Variants in WTAP observed in about 807,000 individuals in gnomAD.
WTAP encodes WT1 associated protein.
Under a neutral mutation model 50.0 loss-of-function variants are expected in WTAP, and 8 were observed. The observed-to-expected ratio is 0.16, with a 90% confidence interval of 0.09 to 0.29. The LOEUF (loss-of-function observed/expected upper bound fraction) is 0.29, where lower values mean the gene tolerates loss of function less well. Ranked by LOEUF, WTAP falls within the 10% of genes least tolerant of loss-of-function variation. The pLI, the probability that WTAP is intolerant of heterozygous loss-of-function variation, is 1.00. For synonymous variants in WTAP, 194 were observed against 169.0 expected (o/e 1.15, Z -1.15); for missense variants, 295 against 470.7 (o/e 0.63, Z 3.45).
chr6:159,751,172 A>AT (rs1779806368), intron 6 of WTAP, among the ~76,000 whole-genome samples: 2 of 152,308 alleles, frequency 1.3e-5, no homozygotes, highest in East Asian at 1.9e-4. Flanking sequence ...CAAAACTGTG[A>AT]TTTTGTTAAA....
chr6:159,755,118 G>T lies in WTAP; in HGVS notation c.698G>T (p.Arg233Leu). ...LVLQQQLKET[R>L]QQLAQYQQQQ... ...CTGCAGCAGCAGCTGAAGGAGACAC[G>T]CCAGCAGTTGGCTCAGTACCAGCAG... The change falls in exon 8 of 8, where the codon CGC becomes CTC. Residue 233 changes from arginine to leucine, a missense_variant. Around this residue, in one of 2 missense-constraint regions of WTAP, gnomAD observed 120 missense variants for 287.6 expected, o/e 0.42. Coordinates refer to ENST00000621533, the MANE Select transcript of WTAP (RefSeq NM_001270531.2). 6.2e-7 allele frequency: 1 copy of T among 1,614,168 alleles called. No homozygotes were observed. Among genetic ancestry groups the T allele is most frequent in the Non-Finnish European group, 8.5e-7 (1 of 1,180,036 alleles).
Position 159,736,291 on chromosome 6 carries a change from A to G in WTAP, c.26A>G (p.Lys9Arg). Residue 9 changes from lysine (K) to arginine (R), a missense_variant, in exon 2 of 8, where the codon AAG becomes AGG. Transcript: ENST00000621533. MTNEEPLPKKVRLSETDFK... is the reference protein window; with the variant it reads MTNEEPLPRKVRLSETDFK... ...ATGACCAACGAAGAACCTCTTCCCA[A>G]GAAGGTATGGGTTTTGGTTTTGGGT... 1 of 1,605,410 alleles carries G rather than the reference A, an allele frequency of 6.2e-7. No individual in the cohort carries two copies. Among genetic ancestry groups the G allele is most frequent in the Non-Finnish European group, 8.5e-7 (1 of 1,175,590 alleles).
chr6:159,729,690 G>A (rs2114864560), intron 1 of WTAP, among the ~76,000 whole-genome samples: 1 of 152,292 alleles, frequency 6.6e-6, no homozygotes, highest in Middle Eastern at 3.4e-3. Flanking sequence ...GACTTGCTTG[G>A]AATCACACAT....
chr6:159,734,686 C>T (rs1329619573), intron 1 of WTAP, among the ~76,000 whole-genome samples: 1 of 152,114 alleles, frequency 6.6e-6, no homozygotes, highest in Non-Finnish European at 1.5e-5. Flanking sequence ...AGTATAAGAA[C>T]TAATTACTTA....
At chr6:159,727,147 G>T, upstream of WTAP, 7 of 1,195,456 alleles carry the variant, frequency 5.9e-6, no homozygotes, top group Middle Eastern at 4.9e-4. Flanking sequence ...CTGAGCTCCG[G>T]GGCCCGCGGA....
At chr6:159,728,481 C>A (rs1020377942) in intron 1 of WTAP, among the ~76,000 whole-genome samples, 3 of 152,130 alleles carry the variant, frequency 2.0e-5, no homozygotes, top group African/African-American at 7.2e-5. Flanking sequence ...GAGTATGTTA[C>A]AATTGGAAGT....
chr6:159,738,891 C>G (rs1470761722), intron 2 of WTAP, 99 bp from the exon 3 acceptor site: 1 of 852,318 alleles, frequency 1.2e-6, no homozygotes, highest in Non-Finnish European at 1.8e-6. Context: ...TGTACTGAGC[C>G]GTTTAAATCT....
chr6:159,743,613 A>G, intron 4 of WTAP, 52 bp from the exon 5 acceptor site: 2 of 1,523,620 alleles, frequency 1.3e-6, no homozygotes, highest in Non-Finnish European at 8.9e-7. Flanking sequence ...TGACAGAGGT[A>G]TTTAGAACTT....
At position 159,748,925 on chromosome 6, in the gene WTAP, C is replaced by G. The variant is rs1779718339; in HGVS notation, c.452+556C>G. 4 of 1,149,628 alleles carry G rather than the reference C, an allele frequency of 3.5e-6. No homozygotes were observed. Among genetic ancestry groups the G allele is most frequent in the African/African-American group, 3.2e-5 (2 of 62,452 alleles). 71.2% of individuals were successfully genotyped at this position (1,149,628 alleles called of 1,614,324 possible). On this transcript the variant is annotated intron_variant, in intron 6 of 7. Coordinates refer to ENST00000621533, the MANE Select transcript of WTAP (RefSeq NM_001270531.2). The surrounding 1 kb of genome is among the most constrained non-coding windows in gnomAD (Gnocchi z 5.6). ...TTGTTGTTGAACTTCTGGGTCAAAA[C>G]TCAAATGAGGTGAATTTTGCCTTTA...
In WTAP at chr6:159,727,627, G is replaced by GGGCCCGGGC. The variant is rs1778273384; in HGVS notation, c.-81_-73dup. The GGGCCCGGGC allele has an allele frequency of 3.0e-6, 3 of 986,096 alleles. No individual in the cohort carries two copies. Among genetic ancestry groups the GGGCCCGGGC allele is most frequent in the Non-Finnish European group, 2.4e-6 (2 of 830,538 alleles). The allele number at this position is 986,096 out of a possible 1,614,324, so 61.1% of individuals were successfully genotyped here. ...CTGTCCGGCTGCGCGGTGGCCCGGGGGGCCCGGGCGGCAGGGCAAGCAGCG... is the reference window on the plus strand; with the variant it reads ...CTGTCCGGCTGCGCGGTGGCCCGGGGGGCCCGGGCGGCCCGGGCGGCAGGGCAAGCAGCG... On this transcript the variant is annotated 5_prime_UTR_variant, in exon 1 of 8. Transcript: ENST00000621533.
chr6:159,755,688 T>C lies in WTAP; in HGVS notation c.*77T>C. On this transcript the variant is annotated 3_prime_UTR_variant, in exon 8 of 8. Transcript: ENST00000621533. ...TGTCCAGAAAATTAATGCATACTTTTGTCACAATTTGCCTTTTTGTGGGTG... is the reference window on the plus strand; with the variant it reads ...TGTCCAGAAAATTAATGCATACTTTCGTCACAATTTGCCTTTTTGTGGGTG... 1 of 1,338,760 alleles carries C rather than the reference T, an allele frequency of 7.5e-7. No individual in the cohort carries two copies. The highest frequency in any genetic ancestry group is 3.4e-5 in the Admixed American group (1 of 29,022). The allele number at this position is 1,338,760 out of a possible 1,614,324, so 82.9% of individuals were successfully genotyped here. A position where few individuals can be genotyped will look rare whatever the true frequency, so the allele number is the denominator to read the frequency against.
intron 1 of WTAP, among the ~76,000 whole-genome samples, chr6:159,730,148 T>C (rs2114866719): frequency 6.6e-6 from 1 of 152,354 alleles, no homozygotes; most frequent in Middle Eastern, 3.4e-3. Flanking sequence ...AATTAATAGC[T>C]GTTTTAATCA....
chr6:159,735,045 A>G (rs1294890479), intron 1 of WTAP, among the ~76,000 whole-genome samples: 1 of 152,192 alleles, frequency 6.6e-6, no homozygotes, highest in African/African-American at 2.4e-5. Flanking sequence ...AATTTTGTAT[A>G]ATAAAGAAGC....
At chr6:159,749,108 T>A (rs1426026828) in intron 6 of WTAP, 27 of 986,350 alleles carry the variant, frequency 2.7e-5, no homozygotes, top group Non-Finnish European at 3.0e-5. Context: ...GTTTGTTCTT[T>A]GAATGGTTGC....
chr6:159,750,931 T>C (rs1213740407), intron 6 of WTAP, among the ~76,000 whole-genome samples: 4 of 152,242 alleles, frequency 2.6e-5, no homozygotes, highest in African/African-American at 9.6e-5. Flanking sequence ...CTTTACTGTT[T>C]TTCTGTTCTA....
upstream of WTAP, chr6:159,726,903 T>G: frequency 7.8e-7 from 1 of 1,288,924 alleles, no homozygotes; most frequent in South Asian, 1.2e-5. Context: ...CCACGGCCTC[T>G]CTCTTGAGGT....
At chr6:159,751,217 A>T (rs1317708451) in intron 6 of WTAP, among the ~76,000 whole-genome samples, 3 of 152,242 alleles carry the variant, frequency 2.0e-5, no homozygotes, top group African/African-American at 7.2e-5. Flanking sequence ...TAAACGTGAT[A>T]TGACTATCTT....
rs1246970872 is a variant in WTAP at position 159,727,680 on chromosome 6, C to T, written c.-32C>T. On this transcript the variant is annotated 5_prime_UTR_variant, in exon 1 of 8. Coordinates refer to ENST00000621533, the MANE Select transcript of WTAP (RefSeq NM_001270531.2). ...GCCTCGGCCTATGCGACCGGTGGCG[C>T]CGGCGCGGCTTCTGCCTGGAGAGGT... The T allele has an allele frequency of 1.0e-6, 1 of 984,202 alleles. No homozygotes were observed. The highest frequency in any genetic ancestry group is 1.2e-6 in the Non-Finnish European group (1 of 829,786). 61.0% of individuals were successfully genotyped at this position (984,202 alleles called of 1,614,324 possible).
In WTAP at chr6:159,743,738, A is replaced by G. The variant is rs769679298; in HGVS notation, c.219A>G (p.Glu73=). 6.2e-7 allele frequency: 1 copy of G among 1,613,754 alleles called. No homozygotes were observed. Among genetic ancestry groups the G allele is most frequent in the South Asian group, 1.1e-5 (1 of 91,020 alleles). ...KQQQQESARR[E]NILVMRLATK... ...AACAGCAGGAGTCTGCACGCAGGGAAAACATCCTTGTAATGCGACTAGCAA... is the reference window on the plus strand; with the variant it reads ...AACAGCAGGAGTCTGCACGCAGGGAGAACATCCTTGTAATGCGACTAGCAA... The change falls in exon 5 of 8, where the codon GAA becomes GAG. Residue 73 remains glutamate, a synonymous_variant. Coordinates refer to ENST00000621533, the MANE Select transcript of WTAP (RefSeq NM_001270531.2).
Sources: gnomAD v4.1 joint callset for allele counts (sites outside exome capture counted in the v4.1 genomes callset) on GRCh38, gnomAD v4.1.1 for gene constraint, gnomAD v4.1.1 regional missense constraint, Gnocchi (gnomAD v3.1) non-coding constraint, MANE v1.5 for transcripts, NCBI Gene and HGNC (gene_info 2026-07-23, HGNC 2026-07-21) for gene names.